Variants in LAMB3 observed in about 807,000 individuals in gnomAD.
LAMB3 encodes laminin subunit beta-3.
Under a neutral mutation model 140.3 loss-of-function variants are expected in LAMB3, and 104 were observed. That is an observed-to-expected ratio of 0.74 (90% CI 0.63 to 0.87). LAMB3 has a LOEUF of 0.87. Among genes scored for constraint, LAMB3 ranks in the 40% least tolerant of loss-of-function variants. The probability of loss-of-function intolerance (pLI) is 0.00; values close to 1 mark genes in which losing one functional copy is unlikely to be tolerated. For synonymous variants in LAMB3, 592 were observed against 602.9 expected, an observed-to-expected ratio of 0.98 and a Z score of 0.26; for missense variants, 1,531 against 1,575.2, an observed-to-expected ratio of 0.97 and a Z score of 0.47.
intron 10 of LAMB3, among the ~76,000 whole-genome samples, chr1:209,629,285 T>C (rs1666588542): frequency 6.6e-6 from 1 of 152,222 alleles, no homozygotes; most frequent in Non-Finnish European, 1.5e-5. Context: ...GGCTAGAGGA[T>C]GTGAGAAATA....
intron 3 of LAMB3, among the ~76,000 whole-genome samples, chr1:209,639,978 G>C (rs2076453188): frequency 6.6e-6 from 1 of 152,188 alleles, no homozygotes; most frequent in African/African-American, 2.4e-5. Flanking sequence ...CCTATGCCTT[G>C]AGTGATAGAA....
rs114040223 is a variant in LAMB3, at chr1:209,617,514, G to A, written c.3124C>T (p.Arg1042Trp). 840 of 1,614,054 alleles carry A rather than the reference G, an allele frequency of 5.2e-4. 2 individuals carry two copies. Among genetic ancestry groups the A allele is most frequent in the African/African-American group, 3.9e-3 (294 of 75,030 alleles). ...GCTTGGTGGCGGAGCTCCTCCATCC[G>A]TGTCCAGAAGTCACCCAGCTGCTTG... is the stretch of plus-strand genomic sequence containing the variant. The part of the protein sequence containing the change: ...MTKQLGDFWT[R>W]MEELRHQARQ... The change falls in exon 21 of 23, where the codon CGG (arginine) becomes TGG (tryptophan). Residue 1042 changes from arginine (R) to tryptophan (W), a missense_variant. Coordinates refer to ENST00000356082, the MANE Select transcript of LAMB3 (RefSeq NM_000228.3).
chr1:209,636,030 C>T (rs1666883563), intron 5 of LAMB3, among the ~76,000 whole-genome samples: 1 of 152,210 alleles, frequency 6.6e-6, no homozygotes, highest in Non-Finnish European at 1.5e-5. Flanking sequence ...TTTCCTGGTA[C>T]AGATCTTTTG....
intron 22 of LAMB3, 75 bp downstream of exon 22, chr1:209,616,396 T>C: frequency 6.4e-7 from 1 of 1,561,662 alleles, no homozygotes; most frequent in Non-Finnish European, 8.8e-7. Flanking sequence ...AAGAACGGGC[T>C]TCAGAAGCCT....
chr1:209,616,741 G>T, intron 21 of LAMB3, 117 bp from the exon 22 acceptor site: 2 of 946,670 alleles, frequency 2.1e-6, no homozygotes, highest in South Asian at 1.4e-5. Context: ...CCTCCTATTA[G>T]CCCCCAATAG....
At position 209,618,582 on chromosome 1, in the gene LAMB3, T is replaced by C. The variant is rs759059147; in HGVS notation, c.2779A>G (p.Thr927Ala). 1.2e-6 allele frequency: 2 copies of C among 1,614,190 alleles called. No homozygotes were observed. Among genetic ancestry groups the C allele is most frequent in the Admixed American group, 3.3e-5 (2 of 60,034 alleles). The change falls in exon 19 of 23, where the codon ACT becomes GCT. Residue 927 changes from threonine (T) to alanine (A), a missense_variant. Thr to Ala is a moderately conservative substitution (Grantham distance 58). Transcript: ENST00000356082. ...ATCTCATTCATCTTCTGCAGAACAGTAGCTGAGTCTGTGGGCAGCCACAGG... is the reference window on the plus strand; with the variant it reads ...ATCTCATTCATCTTCTGCAGAACAGCAGCTGAGTCTGTGGGCAGCCACAGG... ...LALWLPTDSATVLQKMNEIQA... is the reference protein window; with the variant it reads ...LALWLPTDSAAVLQKMNEIQA...
intron 18 of LAMB3, 162 bp from the exon 19 acceptor site, chr1:209,618,821 T>C: frequency 1.5e-6 from 1 of 689,050 alleles, no homozygotes; most frequent in South Asian, 1.6e-5. Flanking sequence ...CAGGCGCCTG[T>C]TCTCCAGGGA....
chr1:209,639,033 G>A (rs906477194), intron 3 of LAMB3, among the ~76,000 whole-genome samples: 3 of 151,974 alleles, frequency 2.0e-5, no homozygotes, highest in African/African-American at 4.8e-5. Flanking sequence ...GACATACTGG[G>A]CACAGGCTGG....
chr1:209,622,454 GGCTGGCTGATGC>G, intron 18 of LAMB3, 70 bp downstream of exon 18: 1 of 1,532,364 alleles, frequency 6.5e-7, no homozygotes, highest in East Asian at 2.2e-5. Flanking sequence ...AGGGAGGGAG[GGCTGGCTGATGC>G]ACTGAACATG....
chr1:209,615,241 G>T lies in LAMB3; in HGVS notation c.*30C>A. Reference sequence around the variant, plus strand: ...CCAACCAAAAGCAAAGGCGGCAGATGAGTGGGGCAACGGGCTGGAAGCTGT... The same window carrying T: ...CCAACCAAAAGCAAAGGCGGCAGATTAGTGGGGCAACGGGCTGGAAGCTGT... On this transcript the variant is annotated 3_prime_UTR_variant, in exon 23 of 23. Transcript: ENST00000356082. 1 of 1,613,890 alleles carries T rather than the reference G, an allele frequency of 6.2e-7. No individual in the cohort carries two copies. The highest frequency in any genetic ancestry group is 1.1e-5 in the South Asian group (1 of 91,080).
chr1:209,639,374 C>T (rs2076443339), intron 3 of LAMB3, among the ~76,000 whole-genome samples: 1 of 152,192 alleles, frequency 6.6e-6, no homozygotes, highest in Non-Finnish European at 1.5e-5. Flanking sequence ...TAAGGCCTTC[C>T]AGCAGTGACA....
At position 209,628,049 on chromosome 1, in the gene LAMB3, G is replaced by C; in HGVS notation, c.1274C>G (p.Pro425Arg). 1.2e-6 allele frequency: 2 copies of C among 1,605,890 alleles called. No individual in the cohort carries two copies. The highest frequency in any genetic ancestry group is 1.7e-6 in the Non-Finnish European group (2 of 1,176,034). The change falls in exon 11 of 23, where the codon CCG becomes CGG. Residue 425 changes from proline (P) to arginine (R), a missense_variant. By Grantham distance (103) the Pro-to-Arg change is moderately radical. Transcript: ENST00000356082. ...PGFTGLTYAN[P>R]QGCHRCDCNI... ...CCCCTACTCACGGTGGCAGCCCTGC[G>C]GGTTGGCGTAGGTGAGTCCAGTGAA...
chr1:209,652,136 TTC>T (rs1425817388), intron 1 of LAMB3: 2 of 152,224 alleles, frequency 1.3e-5, no homozygotes, highest in Admixed American at 1.3e-4. Context: ...CCCTTCTCAC[TTC>T]TCTTTTGTGC....
Position 209,652,395 on chromosome 1 carries a change from T to G in LAMB3, c.-64A>C, listed in dbSNP as rs1039648166. 2 of 152,278 alleles carry G rather than the reference T, an allele frequency of 1.3e-5. No individual in the cohort carries two copies. Among genetic ancestry groups the G allele is most frequent in the African/African-American group, 4.8e-5 (2 of 41,444 alleles). 9.4% of individuals were successfully genotyped at this position (152,278 alleles called of 1,614,324 possible). ...TTGCTGTGTGTTCTGCCGTTCTTTC[T>G]CCAGATCGCCTGAAAGCTCCTCTTG... On this transcript the variant is annotated 5_prime_UTR_variant, in exon 1 of 23. Transcript: ENST00000356082.
intron 3 of LAMB3, among the ~76,000 whole-genome samples, chr1:209,642,544 C>A (rs1325413454): frequency 6.6e-6 from 1 of 152,208 alleles, no homozygotes; most frequent in African/African-American, 2.4e-5. Flanking sequence ...GTGCCGCGAT[C>A]TCTGCTCACT....
At position 209,648,762 on chromosome 1, in the gene LAMB3, G is replaced by A. The variant is rs989894269; in HGVS notation, c.183+1202C>T. Among the ~76,000 whole-genome samples, 4 of 152,206 alleles carry A rather than the reference G, an allele frequency of 2.6e-5. No homozygotes were observed. In the South Asian group the frequency reaches 6.2e-4, roughly 24 times the overall value. On this transcript the variant is annotated intron_variant, in intron 3 of 22. Transcript: ENST00000356082. ...GCAAGTCAGCCTGAGAAAGGAAATC[G>A]GCAGAGGTCTCCCTGAAATTTTTAG...
chr1:209,619,780 A>G (rs907806474), intron 18 of LAMB3, among the ~76,000 whole-genome samples: 1 of 152,184 alleles, frequency 6.6e-6, no homozygotes, highest in African/African-American at 2.4e-5. Flanking sequence ...CTCTACAACT[A>G]GAGGATACTA....
At chr1:209,624,734 A>C (rs1666352741) in intron 14 of LAMB3, among the ~76,000 whole-genome samples, 1 of 152,174 alleles carries the variant, frequency 6.6e-6, no homozygotes, top group South Asian at 2.1e-4. Flanking sequence ...GTCACATTAT[A>C]GTTTACCATT....
At chr1:209,636,306 C>T (rs765171387) in intron 5 of LAMB3, among the ~76,000 whole-genome samples, 21 of 152,188 alleles carry the variant, frequency 1.4e-4, no homozygotes, top group Non-Finnish European at 2.9e-4. Context: ...GACTTCTACC[C>T]ACCAGTTATC....
Sources: allele counts gnomAD v4.1 joint callset (sites outside exome capture counted in the v4.1 genomes callset), GRCh38; gene constraint gnomAD v4.1.1; transcripts MANE v1.5; gene names NCBI Gene and HGNC (gene_info 2026-07-23, HGNC 2026-07-21).